Variants in ERO1B observed in about 807,000 individuals in gnomAD.
The protein encoded by ERO1B is ERO1-like protein beta.
A neutral mutation model predicts 75.3 loss-of-function variants in ERO1B; 49 were observed. The ratio of observed to expected loss-of-function variants is 0.65; its 90% CI spans 0.52 to 0.83. The LOEUF is 0.83. ERO1B is among the 40% of genes least tolerant of loss of function. The pLI is 0.00. For synonymous variants in ERO1B, 191 were observed against 192.9 expected (o/e 0.99, Z 0.08); for missense variants, 512 against 560.1 (o/e 0.91, Z 0.87).
Position 236,236,169 on chromosome 1 carries a change from C to T in ERO1B, c.626+109G>A, listed in dbSNP as rs1336783947. 17 of 1,365,892 alleles carry T rather than the reference C, an allele frequency of 1.2e-5. No individual in the cohort carries two copies. The South Asian group carries it at 1.7e-4, about 14-fold the overall frequency. 84.6% of individuals were successfully genotyped at this position (1,365,892 alleles called of 1,614,324 possible). A position where few individuals can be genotyped will look rare whatever the true frequency, so the allele number is the denominator to read the frequency against. The stretch of plus-strand genomic sequence containing the variant: ...CTTGAACTCCTGACCTCAGATGATC[C>T]ACCCACCTTGGCCTCCCAAAGTGCT... On this transcript the variant is annotated intron_variant, in intron 7 of 15. Transcript: ENST00000354619.
Position 236,215,276 on chromosome 1 carries a change from C to T in ERO1B, c.*3240G>A, listed in dbSNP as rs1204273927. 6.6e-6 allele frequency among the ~76,000 whole-genome samples: 1 copy of T among 152,164 alleles called. No homozygotes were observed. Among genetic ancestry groups the T allele is most frequent in the Non-Finnish European group, 1.5e-5 (1 of 68,020 alleles). On this transcript the variant is annotated 3_prime_UTR_variant, in exon 16 of 16. Transcript: ENST00000354619. ...AGAATTTGTGACTATGGACAGGTTA[C>T]TTAGCCTTTTTTATCCTCAGTCTTC... is the stretch of plus-strand genomic sequence containing the variant.
intron 2 of ERO1B, among the ~76,000 whole-genome samples, chr1:236,258,697 G>C (rs929866373): frequency 6.6e-6 from 1 of 152,120 alleles, no homozygotes; most frequent in African/African-American, 2.4e-5. Context: ...GACCAGCCTG[G>C]CCAACGTGGT....
At chr1:236,250,583 A>AG (rs1348989245) in intron 4 of ERO1B, among the ~76,000 whole-genome samples, 1 of 39,368 alleles carries the variant, frequency 2.5e-5, no homozygotes, top group African/African-American at 9.7e-5. Context: ...ATATATATAT[A>AG]TATATATATA....
At position 236,264,257 on chromosome 1, in the gene ERO1B, G is replaced by A. The variant is rs150805318; in HGVS notation, c.222+5618C>T. On this transcript the variant is annotated intron_variant, in intron 2 of 15. Coordinates refer to ENST00000354619, the MANE Select transcript of ERO1B (RefSeq NM_019891.4). The stretch of plus-strand genomic sequence containing the variant: ...CCAGTAGCTGGAATTACAGGCACAC[G>A]CCACCATGCCCAGCTAGTTTCTTGT... Among the ~76,000 whole-genome samples the A allele has an allele frequency of 4.9e-4, 74 of 151,996 alleles. No individual in the cohort carries two copies. The East Asian group carries it at 0.013, about 26-fold the overall frequency.
At position 236,220,978 on chromosome 1, in the gene ERO1B, G is replaced by C. The variant is rs1405624; in HGVS notation, c.1210-13C>G. 638,823 of 1,474,726 alleles carry C rather than the reference G, an allele frequency of 0.43. 145,570 individuals are homozygous for C. The highest frequency in any genetic ancestry group is 0.88 in the East Asian group (35,884 of 40,566). The allele number at this position is 1,474,726 out of a possible 1,614,324, so 91.4% of individuals were successfully genotyped here. A position where few individuals can be genotyped will look rare whatever the true frequency, so the allele number is the denominator to read the frequency against. On this transcript the variant is annotated splice_polypyrimidine_tract_variant and intron_variant, in intron 14 of 15. Coordinates refer to ENST00000354619, the MANE Select transcript of ERO1B (RefSeq NM_019891.4). ...CTAAACCCTGAGTCTAAAGAAAATA[G>C]CAATAAACTCATAATTAACTTTAAA...
In ERO1B at chr1:236,220,722, A is replaced by ATT. The variant is rs34880815; in HGVS notation, c.1343+108_1343+109dup. The stretch of plus-strand genomic sequence containing the variant: ...TAAGTTAGTACAGATACAATATAAA[A>ATT]TTTTTTTTTGTCAACAAAACAAACC... On this transcript the variant is annotated intron_variant, in intron 15 of 15. Coordinates refer to ENST00000354619, the MANE Select transcript of ERO1B (RefSeq NM_019891.4). 9,002 of 1,089,452 alleles carry ATT rather than the reference A, an allele frequency of 8.3e-3. 2 individuals carry two copies. The highest frequency in any genetic ancestry group is 0.035 in the East Asian group (1,010 of 29,014). The allele number at this position is 1,089,452 out of a possible 1,614,324, so 67.5% of individuals were successfully genotyped here.
At chr1:236,275,338 G>T (rs911182399) in intron 1 of ERO1B, among the ~76,000 whole-genome samples, 2 of 152,182 alleles carry the variant, frequency 1.3e-5, no homozygotes, top group African/African-American at 4.8e-5. Flanking sequence ...TCCATTGCAG[G>T]TTTGATAATT....
chr1:236,226,566 T>C, intron 11 of ERO1B, 51 bp from the exon 12 acceptor site: 1 of 1,595,194 alleles, frequency 6.3e-7, no homozygotes, highest in South Asian at 1.2e-5. Flanking sequence ...AGGATTTTTT[T>C]TCTGCTCTAA....
At chr1:236,219,418 T>C (rs1201133814) in intron 15 of ERO1B, among the ~76,000 whole-genome samples, 2 of 152,188 alleles carry the variant, frequency 1.3e-5, no homozygotes, top group African/African-American at 4.8e-5. Flanking sequence ...AAAGGCTGCA[T>C]TTGTGAATAT....
chr1:236,263,563 T>C (rs1665341802), intron 2 of ERO1B, among the ~76,000 whole-genome samples: 1 of 152,088 alleles, frequency 6.6e-6, no homozygotes, highest in Non-Finnish European at 1.5e-5. Flanking sequence ...TTCAGTATTT[T>C]TATTAGGATC....
chr1:236,236,508 C>A, intron 6 of ERO1B, 110 bp from the exon 7 acceptor site: 1 of 1,129,572 alleles, frequency 8.9e-7, no homozygotes, highest in Admixed American at 2.3e-5. Context: ...TCATGCTTTT[C>A]AAGTAATCTC....
intron 6 of ERO1B, among the ~76,000 whole-genome samples, chr1:236,240,369 A>C (rs918198441): frequency 2.0e-5 from 3 of 152,162 alleles, no homozygotes; most frequent in Non-Finnish European, 4.4e-5. Flanking sequence ...CTTAGTGTGC[A>C]AGCTCTTTGC....
intron 2 of ERO1B, among the ~76,000 whole-genome samples, chr1:236,266,080 GTTTA>G (rs1261693292): frequency 6.6e-6 from 1 of 151,982 alleles, no homozygotes; most frequent in African/African-American, 2.4e-5. Context: ...TTGTTTACTT[GTTTA>G]TTGTTTGTCT....
rs111370297 is a variant in ERO1B at position 236,268,690 on chromosome 1, T to C, written c.222+1185A>G. ...TCACAAGGTCAGGAGATCAAGACCA[T>C]CCTGGCTAACATGGTGAAACCCCGT... On this transcript the variant is annotated intron_variant, in intron 2 of 15. Transcript: ENST00000354619. 7.3e-5 allele frequency among the ~76,000 whole-genome samples: 11 copies of C among 150,512 alleles called. No homozygotes were observed. In the Middle Eastern group the frequency reaches 0.014, roughly 195 times the overall value.
In ERO1B at chr1:236,258,111, A is replaced by AAG. The variant is rs71176473; in HGVS notation, c.223-4608_223-4607dup. 1.7e-3 allele frequency among the ~76,000 whole-genome samples: 226 copies of AAG among 134,906 alleles called. 1 individual carries two copies. The highest frequency in any genetic ancestry group is 2.0e-3 in the Non-Finnish European group (131 of 64,270). 88.5% of individuals were successfully genotyped at this position (134,906 alleles called of 152,430 possible). On this transcript the variant is annotated intron_variant, in intron 2 of 15. Transcript: ENST00000354619. ...GATGAAAGAAAGAAAGAAGGACAGA[A>AAG]AGAGAGAGAGAGAGAAAGAAAAAAA...
At chr1:236,280,662 T>C (rs1166233660) in intron 1 of ERO1B, among the ~76,000 whole-genome samples, 1 of 152,208 alleles carries the variant, frequency 6.6e-6, no homozygotes, top group Non-Finnish European at 1.5e-5. Flanking sequence ...CATAAAACCA[T>C]GAAATAAAGT....
At chr1:236,267,066 G>A (rs1665459799) in intron 2 of ERO1B, among the ~76,000 whole-genome samples, 1 of 152,202 alleles carries the variant, frequency 6.6e-6, no homozygotes, top group East Asian at 1.9e-4. Flanking sequence ...AAATGAGACT[G>A]TCAACCAAGG....
In ERO1B at chr1:236,226,469, T is replaced by A. The variant is rs1413372038; in HGVS notation, c.852A>T (p.Lys284Asn). 6.2e-7 allele frequency: 1 copy of A among 1,614,072 alleles called. No individual in the cohort carries two copies. The highest frequency in any genetic ancestry group is 1.1e-5 in the South Asian group (1 of 91,060). ...TGGTTTCCACAGGGTCAAAGCGGTG[T>A]TTGAATTCTTTAATATTAGGTCCCC... ...PSWGPNIKEF[K>N]HRFDPVETKG... The change falls in exon 12 of 16, where the codon AAA becomes AAT. Residue 284 changes from lysine to asparagine, a missense_variant. Lys to Asn is a moderately conservative substitution (Grantham distance 94). Coordinates refer to ENST00000354619, the MANE Select transcript of ERO1B (RefSeq NM_019891.4).
At chr1:236,237,926 G>A (rs1027259270) in intron 6 of ERO1B, among the ~76,000 whole-genome samples, 53 of 152,104 alleles carry the variant, frequency 3.5e-4, no homozygotes, top group African/African-American at 1.2e-3. Context: ...TGTAACCTCC[G>A]CCTCCCAGGT....
Sources: allele counts gnomAD v4.1 joint callset (sites outside exome capture counted in the v4.1 genomes callset), GRCh38; gene constraint gnomAD v4.1.1; transcripts MANE v1.5; gene names NCBI Gene and HGNC (gene_info 2026-07-23, HGNC 2026-07-21).